KCNH1: variants seen among roughly 807,000 people sequenced by gnomAD.
KCNH1 encodes voltage-gated delayed rectifier potassium channel KCNH1.
Under a neutral mutation model 69.2 loss-of-function variants are expected in KCNH1, and 27 were observed. That is an observed-to-expected ratio of 0.39 (90% CI 0.29 to 0.54). The LOEUF (loss-of-function observed/expected upper bound fraction) is 0.54. Among genes scored for constraint, KCNH1 ranks in the 20% least tolerant of loss-of-function variants. KCNH1 has a pLI of 0.68. For synonymous variants in KCNH1, 456 were observed against 487.7 expected (o/e 0.93, Z 0.86); for missense variants, 798 against 1,261.6 (o/e 0.63, Z 5.57).
chr1:210,717,809 G>GAAAT (rs900455691), intron 10 of KCNH1, among the ~76,000 whole-genome samples: 26 of 152,092 alleles, frequency 1.7e-4, no homozygotes, highest in African/African-American at 4.8e-4. Context: ...AAAGTCAAAA[G>GAAAT]AAATAGGTAA....
chr1:211,091,152 T>C (rs1347769511), intron 3 of KCNH1, among the ~76,000 whole-genome samples: 1 of 152,174 alleles, frequency 6.6e-6, no homozygotes, highest in Non-Finnish European at 1.5e-5. Context: ...AGTTTAGGAA[T>C]CCACCAATTT....
chr1:210,915,390 T>A (rs576677078), intron 7 of KCNH1, among the ~76,000 whole-genome samples: 1 of 152,264 alleles, frequency 6.6e-6, no homozygotes, highest in East Asian at 1.9e-4. Flanking sequence ...ATGGGGGACA[T>A]CCTCTCCTAG....
chr1:210,688,346 G>A (rs1163433830), intron 10 of KCNH1, among the ~76,000 whole-genome samples: 1 of 152,158 alleles, frequency 6.6e-6, no homozygotes. Flanking sequence ...TGAACCCCTG[G>A]AATTTGAGAT....
At chr1:210,743,045 G>T (rs572668037) in intron 10 of KCNH1, among the ~76,000 whole-genome samples, 1 of 152,214 alleles carries the variant, frequency 6.6e-6, no homozygotes, top group Non-Finnish European at 1.5e-5. Flanking sequence ...GGGGCCATTT[G>T]TAAATGTTTC....
chr1:210,693,315 G>A (rs571110325), intron 10 of KCNH1, among the ~76,000 whole-genome samples: 2 of 152,128 alleles, frequency 1.3e-5, no homozygotes, highest in African/African-American at 4.8e-5. Flanking sequence ...CTAAGCATGG[G>A]TACATCAGTG....
chr1:210,832,907 C>CATATAT (rs367619819), intron 7 of KCNH1, among the ~76,000 whole-genome samples: 3,767 of 110,596 alleles, frequency 0.034, 139 homozygotes, highest in African/African-American at 0.065. Context: ...TTCTCAAATA[C>CATATAT]ATATATATAT....
chr1:210,818,185 C>T (rs1014664432), intron 7 of KCNH1, among the ~76,000 whole-genome samples: 1 of 152,052 alleles, frequency 6.6e-6, no homozygotes, highest in African/African-American at 2.4e-5. Flanking sequence ...ATTTAGAAAA[C>T]TTGAAATGGA....
At chr1:211,001,092 C>T (rs184287521) in intron 6 of KCNH1, among the ~76,000 whole-genome samples, 10 of 152,274 alleles carry the variant, frequency 6.6e-5, no homozygotes, top group South Asian at 6.2e-4. Flanking sequence ...CCATTCAGGA[C>T]GTAGGCATGG....
chr1:210,767,347 C>T (rs530723231), intron 10 of KCNH1, among the ~76,000 whole-genome samples: 7 of 152,284 alleles, frequency 4.6e-5, no homozygotes, highest in East Asian at 1.9e-4. Flanking sequence ...TAGAAATTAG[C>T]GAGACCCTGC....
rs913648246 is a variant in KCNH1 at position 210,797,566 on chromosome 1, G to A, written c.1857C>T (p.Cys619=). 11 of 1,614,196 alleles carry A rather than the reference G, an allele frequency of 6.8e-6. No individual in the cohort carries two copies. Among genetic ancestry groups the A allele is most frequent in the Non-Finnish European group, 9.3e-6 (11 of 1,180,018 alleles). ...CCTCCAGGGAGCCAGAAACCACAAA[G>A]CAGAGGCTGTCAACGCTCTCTCCTG... is the stretch of plus-strand genomic sequence containing the variant. ...YHAGESVDSL[C]FVVSGSLEVI... The change falls in exon 9 of 11, where the codon TGC becomes TGT. Residue 619 remains cysteine, a synonymous_variant. Coordinates refer to ENST00000271751, the MANE Select transcript of KCNH1 (RefSeq NM_172362.3).
chr1:211,126,382 C>T (rs1235672220), intron 1 of KCNH1, among the ~76,000 whole-genome samples: 2 of 151,998 alleles, frequency 1.3e-5, no homozygotes, highest in African/African-American at 2.4e-5. Context: ...TGGTGGCGGG[C>T]TCCTGTAGTC....
intron 1 of KCNH1, among the ~76,000 whole-genome samples, chr1:211,120,043 G>C (rs1476828486): frequency 1.3e-5 from 2 of 152,096 alleles, no homozygotes; most frequent in African/African-American, 4.8e-5. Flanking sequence ...GAAATATAGA[G>C]ACTTTTATTA....
chr1:210,885,723 A>ATTACTGAGCCT (rs1266206226), intron 7 of KCNH1, among the ~76,000 whole-genome samples: 1 of 152,106 alleles, frequency 6.6e-6, no homozygotes, highest in Non-Finnish European at 1.5e-5. Flanking sequence ...GGCGTCCACC[A>ATTACTGAGCCT]TTACTGAGCC....
chr1:211,112,713 C>T (rs1691497688), intron 1 of KCNH1, among the ~76,000 whole-genome samples: 1 of 152,062 alleles, frequency 6.6e-6, no homozygotes, highest in Non-Finnish European at 1.5e-5. Context: ...ATTCCCTTGT[C>T]ACTCCATGAT....
chr1:210,892,055 C>T (rs1438178612), intron 7 of KCNH1, among the ~76,000 whole-genome samples: 1 of 151,964 alleles, frequency 6.6e-6, no homozygotes. Flanking sequence ...CACACTGGGG[C>T]CTGTCAGGCG....
chr1:210,708,219 C>T (rs1574196554), intron 10 of KCNH1, among the ~76,000 whole-genome samples: 1 of 143,822 alleles, frequency 7.0e-6, no homozygotes, highest in Non-Finnish European at 1.5e-5. Flanking sequence ...TTCCCTTCCC[C>T]CACTCCCATT....
intron 5 of KCNH1, among the ~76,000 whole-genome samples, chr1:211,029,192 G>T (rs1046837166): frequency 3.3e-5 from 5 of 149,266 alleles, no homozygotes; most frequent in African/African-American, 1.2e-4. Flanking sequence ...AAAAGGTCAG[G>T]GGTGGTGGTA....
chr1:210,799,117 A>G (rs2102402206), intron 8 of KCNH1, among the ~76,000 whole-genome samples: 1 of 152,336 alleles, frequency 6.6e-6, no homozygotes, highest in South Asian at 2.1e-4. Context: ...ATAAAAAAAA[A>G]AGGAAAGAAG....
chr1:210,827,195 G>A (rs920884863), intron 7 of KCNH1, among the ~76,000 whole-genome samples: 10 of 152,106 alleles, frequency 6.6e-5, no homozygotes, highest in African/African-American at 2.2e-4. Flanking sequence ...AATTAGCCAG[G>A]CGTGGTGGCG....
Sources: gnomAD v4.1 joint callset for allele counts (sites outside exome capture counted in the v4.1 genomes callset) on GRCh38, gnomAD v4.1.1 for gene constraint, MANE v1.5 for transcripts, NCBI Gene and HGNC (gene_info 2026-07-23, HGNC 2026-07-21) for gene names.